Variants in TPM1 observed in about 807,000 individuals in gnomAD.
TPM1 encodes the protein tropomyosin 1.
In TPM1, 24 loss-of-function variants were observed where a neutral mutation model predicts 42.9. That is an observed-to-expected ratio of 0.56 (90% CI 0.41 to 0.79). The LOEUF (loss-of-function observed/expected upper bound fraction) is 0.79, where lower values mean the gene tolerates loss of function less well. Among genes scored for constraint, TPM1 ranks in the 30% least tolerant of loss-of-function variants. TPM1 has a pLI of 0.00. For synonymous variants in TPM1, 136 were observed against 130.1 expected (o/e 1.05, Z -0.31); for missense variants, 158 against 351.8 (o/e 0.45, Z 4.41).
chr15:63,042,980 C>T (rs2031467118), intron 1 of TPM1, 37 bp downstream of exon 1: 1 of 1,541,230 alleles, frequency 6.5e-7, no homozygotes, highest in East Asian at 2.4e-5. Flanking sequence ...GCGCCCAGAG[C>T]GCCGGGACTC....
chr15:63,048,714 G>A (rs1475168829), intron 2 of TPM1: 6 of 1,537,568 alleles, frequency 3.9e-6, no homozygotes, highest in Admixed American at 2.0e-5. Flanking sequence ...GACCGTAAGG[G>A]ATACACCCAT....
At chr15:63,058,814 T>C (rs1286871011) in intron 3 of TPM1, among the ~76,000 whole-genome samples, 1 of 152,230 alleles carries the variant, frequency 6.6e-6, no homozygotes, top group Admixed American at 6.5e-5. Context: ...CTGTAAAATA[T>C]CATAGGTCAT....
chr15:63,042,963 T>TGCGCCC lies in TPM1; in HGVS notation c.114+27_114+32dup. On this transcript the variant is annotated intron_variant, in intron 1 of 9. Coordinates refer to ENST00000403994, the MANE Select transcript of TPM1 (RefSeq NM_001018005.2). ...AAGCAGGTCTGCGCCTCCCCGGCCC[T>TGCGCCC]GCGCCCGCGCCCAGAGCGCCGGGAC... 6.4e-7 allele frequency: 1 copy of TGCGCCC among 1,572,758 alleles called. No individual in the cohort carries two copies. The highest frequency in any genetic ancestry group is 2.3e-5 in the East Asian group (1 of 42,896).
chr15:63,065,535 G>A (rs2036181409), intron 9 of TPM1: 1 of 985,114 alleles, frequency 1.0e-6, no homozygotes, highest in East Asian at 1.1e-4. Flanking sequence ...TGAGGGGGTG[G>A]AGCAGATCAT....
At chr15:63,043,678 G>C (rs1319708993) in intron 1 of TPM1, 45 of 1,539,674 alleles carry the variant, frequency 2.9e-5, no homozygotes, top group Admixed American at 3.9e-5. Flanking sequence ...CGTGCCGGCC[G>C]CCCGCGCCCG....
chr15:63,044,254 C>CT, intron 2 of TPM1, 102 bp downstream of exon 2: 1 of 1,560,432 alleles, frequency 6.4e-7, no homozygotes, highest in Non-Finnish European at 8.8e-7. Flanking sequence ...CCTTTTCCTG[C>CT]TGGACACCTG....
intron 4 of TPM1, chr15:63,059,950 A>G (rs2035386102): frequency 2.8e-6 from 1 of 360,232 alleles, no homozygotes; most frequent in Non-Finnish European, 5.4e-6. Context: ...CGGACAAAAG[A>G]TCTTTGGCCG....
intron 8 of TPM1, chr15:63,063,682 C>A (rs1405264463): frequency 4.6e-6 from 1 of 216,960 alleles, no homozygotes; most frequent in East Asian, 1.2e-4. Flanking sequence ...CCTGACTACT[C>A]CAGTGTAATT....
intron 3 of TPM1, 94 bp downstream of exon 3, chr15:63,057,212 A>G (rs889396883): frequency 1.3e-6 from 2 of 1,554,904 alleles, no homozygotes; most frequent in Non-Finnish European, 1.8e-6. Context: ...AGAATTTTTC[A>G]GTCCCCTGGT....
In TPM1 at chr15:63,062,623, G is replaced by A. The variant is rs1177760221; in HGVS notation, c.750G>A (p.Glu250=). The A allele has an allele frequency of 6.2e-7, 1 of 1,614,244 alleles. No homozygotes were observed. The highest frequency in any genetic ancestry group is 1.1e-5 in the South Asian group (1 of 91,080). The part of the protein sequence containing the change: ...EFAERSVTKL[E]KSIDDLEDEL... ...CGGAGAGGTCAGTAACTAAATTGGA[G>A]AAAAGCATTGATGACTTAGAAGGTA... The change falls in exon 8 of 10, where the codon GAG becomes GAA. Residue 250 remains glutamate, a synonymous_variant. Transcript: ENST00000403994.
intron 3 of TPM1, among the ~76,000 whole-genome samples, chr15:63,059,327 A>G (rs570199422): frequency 6.6e-6 from 1 of 152,348 alleles, no homozygotes; most frequent in Admixed American, 6.5e-5. Context: ...GATGCCTGAT[A>G]GTTTCATCAG....
At chr15:63,050,475 AC>A (rs2033629239) in intron 2 of TPM1, among the ~76,000 whole-genome samples, 1 of 152,220 alleles carries the variant, frequency 6.6e-6, no homozygotes, top group Non-Finnish European at 1.5e-5. Context: ...GATGTTAGAC[AC>A]AAAAGATAAA....
chr15:63,048,755 CG>C, intron 2 of TPM1: 1 of 1,518,564 alleles, frequency 6.6e-7, no homozygotes. Context: ...CGCATCCTCC[CG>C]GGGCAGCCCC....
intron 2 of TPM1, chr15:63,044,523 CT>C (rs1182520934): frequency 2.0e-6 from 1 of 510,624 alleles, no homozygotes; most frequent in Non-Finnish European, 3.5e-6. Flanking sequence ...TCTTCACTTT[CT>C]TTCCTTTTGC....
At chr15:63,071,325 CA>C in exon 9 of TPM1, 2 of 826,734 alleles carry the variant, frequency 2.4e-6, no homozygotes, top group Non-Finnish European at 3.8e-6. Flanking sequence ...AAAACACATA[CA>C]AAAAGGCAAG....
chr15:63,061,061 G>A, intron 5 of TPM1, 122 bp downstream of exon 5: 4 of 1,470,930 alleles, frequency 2.7e-6, no homozygotes, highest in Non-Finnish European at 3.8e-6. Context: ...GTGCTCATTT[G>A]ATGTGGATGA....
intron 9 of TPM1, 47 bp downstream of exon 9, chr15:63,064,189 A>T: frequency 1.9e-6 from 3 of 1,597,048 alleles, no homozygotes; most frequent in Middle Eastern, 1.7e-4. Flanking sequence ...CCTCATGCTA[A>T]TGTAATAAAC....
At chr15:63,043,899 CCT>C (rs2031805176) in intron 1 of TPM1, 126 bp from the exon 2 acceptor site, 2 of 1,551,966 alleles carry the variant, frequency 1.3e-6, no homozygotes, top group Non-Finnish European at 8.7e-7. Context: ...TCTCTCCCTC[CCT>C]GTCTTTCCCT....
downstream of TPM1, among the ~76,000 whole-genome samples, chr15:63,066,374 A>G (rs2036275147): frequency 6.6e-6 from 1 of 152,084 alleles, no homozygotes; most frequent in Non-Finnish European, 1.5e-5. Flanking sequence ...GGGAATTGTG[A>G]TGGCTCTGCT....
Sources: gnomAD v4.1 joint callset for allele counts (sites outside exome capture counted in the v4.1 genomes callset) on GRCh38, gnomAD v4.1.1 for gene constraint, MANE v1.5 for transcripts, NCBI Gene and HGNC (gene_info 2026-07-23, HGNC 2026-07-21) for gene names.